The following KIF6 variants were observed in gnomAD, a reference collection of about 807,000 sequenced individuals.
The protein encoded by KIF6 is kinesin-like protein KIF6.
A neutral mutation model predicts 112.7 loss-of-function variants in KIF6; 106 were observed. The observed-to-expected ratio is 0.94, with a 90% CI of 0.80 to 1.11. The LOEUF (loss-of-function observed/expected upper bound fraction) is 1.11. Among genes scored for constraint, KIF6 ranks in the 50% least tolerant of loss-of-function variants. The probability of loss-of-function intolerance (pLI) is 0.00; values close to 1 mark genes in which losing one functional copy is unlikely to be tolerated. For synonymous variants in KIF6, 339 were observed against 339.9 expected (o/e 1.00, Z 0.03); for missense variants, 929 against 964.0 (o/e 0.96, Z 0.48).
chr6:39,583,553 A>AAG, intron 9 of KIF6: 1 of 463,044 alleles, frequency 2.2e-6, no homozygotes, highest in African/African-American at 2.0e-5. Flanking sequence ...TTCCATGGGG[A>AAG]GAAAGAGGAG....
chr6:39,437,061 C>T (rs528978398), intron 13 of KIF6, among the ~76,000 whole-genome samples: 1 of 151,874 alleles, frequency 6.6e-6, no homozygotes, highest in East Asian at 1.9e-4. Flanking sequence ...TTTTGTAGTT[C>T]TCCTTGTAGA....
intron 5 of KIF6, 142 bp from the exon 6 acceptor site, chr6:39,613,460 C>G: frequency 2.2e-6 from 1 of 464,256 alleles, no homozygotes; most frequent in Non-Finnish European, 3.6e-6. Flanking sequence ...CCAGACAGCA[C>G]TGGATTAGAA....
intron 7 of KIF6, among the ~76,000 whole-genome samples, chr6:39,590,425 G>GTATATA (rs1166869945): frequency 6.0e-5 from 7 of 117,400 alleles, no homozygotes; most frequent in African/African-American, 2.0e-4. Context: ...GTGTATGTGT[G>GTATATA]TGTGTATATA....
chr6:39,598,322 C>T (rs1028619940), intron 6 of KIF6, among the ~76,000 whole-genome samples: 1 of 151,990 alleles, frequency 6.6e-6, no homozygotes, highest in African/African-American at 2.4e-5. Flanking sequence ...ATAAAATGCT[C>T]AAATTTATAC....
chr6:39,459,936 C>G (rs1773354987), intron 13 of KIF6, among the ~76,000 whole-genome samples: 1 of 79,924 alleles, frequency 1.3e-5, no homozygotes, highest in South Asian at 6.4e-4. Context: ...GGACTGTAAA[C>G]TAGTTCAACC....
At chr6:39,725,043 T>C (rs968822293) in intron 1 of KIF6, among the ~76,000 whole-genome samples, 2 of 152,322 alleles carry the variant, frequency 1.3e-5, no homozygotes, top group African/African-American at 2.4e-5. Flanking sequence ...AGGAGTGGCC[T>C]GGCTGTCGGT....
At chr6:39,557,773 T>C (rs1413770000) in intron 10 of KIF6, among the ~76,000 whole-genome samples, 2 of 152,090 alleles carry the variant, frequency 1.3e-5, no homozygotes, top group Admixed American at 1.3e-4. Flanking sequence ...TATACAGATA[T>C]AGAAAGACGT....
At chr6:39,615,075 A>G (rs981116358) in intron 5 of KIF6, among the ~76,000 whole-genome samples, 1 of 151,948 alleles carries the variant, frequency 6.6e-6, no homozygotes, top group African/African-American at 2.4e-5. Flanking sequence ...TTGGACACTG[A>G]GGTGGGAGGA....
intron 14 of KIF6, among the ~76,000 whole-genome samples, chr6:39,426,303 C>A (rs912395379): frequency 6.6e-6 from 1 of 152,214 alleles, no homozygotes; most frequent in Non-Finnish European, 1.5e-5. Context: ...CACCAAAGGG[C>A]GAACATCCTA....
intron 12 of KIF6, among the ~76,000 whole-genome samples, chr6:39,540,907 A>G (rs561895768): frequency 3.9e-5 from 6 of 152,324 alleles, no homozygotes; most frequent in African/African-American, 1.4e-4. Context: ...TTGATGATAA[A>G]GGATAAAACC....
chr6:39,520,598 A>C (rs574198571), intron 13 of KIF6, among the ~76,000 whole-genome samples: 34 of 152,236 alleles, frequency 2.2e-4, no homozygotes, highest in Non-Finnish European at 4.6e-4. Flanking sequence ...GGAATCAGAA[A>C]GTGAGGAACC....
chr6:39,708,396 A>G (rs554569674), intron 3 of KIF6, among the ~76,000 whole-genome samples: 3 of 152,216 alleles, frequency 2.0e-5, no homozygotes, highest in Non-Finnish European at 2.9e-5. Context: ...AATGTTCATC[A>G]CTGGTGAAAT....
intron 15 of KIF6, among the ~76,000 whole-genome samples, chr6:39,418,912 G>C (rs1406580567): frequency 2.6e-5 from 4 of 152,188 alleles, no homozygotes; most frequent in African/African-American, 9.7e-5. Context: ...AGACCCAGCG[G>C]GCCAGCTGTG....
Position 39,360,418 on chromosome 6 carries a change from CCCACCA to C in KIF6, c.2053_2058del (p.Trp685_Trp686del). The C allele has an allele frequency of 6.2e-7, 1 of 1,614,188 alleles. No homozygotes were observed. On this transcript the variant is annotated inframe_deletion, in exon 18 of 23. Coordinates refer to ENST00000287152, the MANE Select transcript of KIF6 (RefSeq NM_145027.6). ...ACCTGCAGGTTGGTGGCCTCCTCTGCCCACCAGACTTCAAACTCTTTCTGTAGCTTC... is the reference window on the plus strand; with the variant it reads ...ACCTGCAGGTTGGTGGCCTCCTCTGCGACTTCAAACTCTTTCTGTAGCTTC...
At chr6:39,613,475 A>G (rs1783335681) in intron 5 of KIF6, among the ~76,000 whole-genome samples, 157 bp from the exon 6 acceptor site, 1 of 152,214 alleles carries the variant, frequency 6.6e-6, no homozygotes, top group Non-Finnish European at 1.5e-5. Context: ...TTAGAATCAA[A>G]CACTGACATT....
At chr6:39,527,601 A>G (rs899893319) in intron 13 of KIF6, among the ~76,000 whole-genome samples, 1 of 152,216 alleles carries the variant, frequency 6.6e-6, no homozygotes, top group Non-Finnish European at 1.5e-5. Context: ...TAAGAAATTA[A>G]AACAATATGA....
At chr6:39,524,846 C>G (rs1386307980) in intron 13 of KIF6, among the ~76,000 whole-genome samples, 3 of 152,250 alleles carry the variant, frequency 2.0e-5, no homozygotes, top group Non-Finnish European at 4.4e-5. Flanking sequence ...CCAGCTCAGA[C>G]TTTGCTCCCC....
chr6:39,547,722 T>G (rs1779139281), intron 10 of KIF6, among the ~76,000 whole-genome samples: 1 of 152,242 alleles, frequency 6.6e-6, no homozygotes, highest in Non-Finnish European at 1.5e-5. Context: ...TGAATAATGC[T>G]TTACATCATT....
At chr6:39,628,432 T>C (rs918521736) in intron 5 of KIF6, among the ~76,000 whole-genome samples, 3 of 152,108 alleles carry the variant, frequency 2.0e-5, no homozygotes, top group Admixed American at 6.6e-5. Flanking sequence ...ATCATATGGG[T>C]AGCTTTGTGT....
Sources: gnomAD v4.1 joint callset for allele counts (sites outside exome capture counted in the v4.1 genomes callset) on GRCh38, gnomAD v4.1.1 for gene constraint, MANE v1.5 for transcripts, NCBI Gene and HGNC (gene_info 2026-07-23, HGNC 2026-07-21) for gene names.